The following TTC7A variants were observed in gnomAD, a reference collection of about 807,000 sequenced individuals.
The protein encoded by TTC7A is tetratricopeptide repeat domain 7A.
A neutral mutation model predicts 103.7 loss-of-function variants in TTC7A; 110 were observed. That is an observed-to-expected ratio of 1.06 (90% CI 0.91 to 1.24). TTC7A has a LOEUF of 1.24. Among genes scored for constraint, TTC7A ranks in the 50% most tolerant of loss-of-function variants. TTC7A has a pLI of 0.00. For missense variants in TTC7A, 1,340 were observed against 1,116.3 expected, an observed-to-expected ratio of 1.20 and a Z score of -2.86; for synonymous variants, 521 against 467.9, an observed-to-expected ratio of 1.11 and a Z score of -1.47.
At chr2:47,004,832 C>T (rs1312205915) in intron 8 of TTC7A, among the ~76,000 whole-genome samples, 1 of 152,024 alleles carries the variant, frequency 6.6e-6, no homozygotes, top group Non-Finnish European at 1.5e-5. Context: ...GCTTGGAGGC[C>T]CCCATGACTC....
Position 46,969,340 on chromosome 2 carries a change from A to G in TTC7A, c.518-5633A>G, listed in dbSNP as rs560670070. ...AACATGGCGAAACCCCATCTCTACT[A>G]AAAATACAAAAACAAAATTAGCCGA... On this transcript the variant is annotated intron_variant, in intron 3 of 19. Transcript: ENST00000319190. Among the ~76,000 whole-genome samples the G allele has an allele frequency of 1.4e-3, 214 of 152,104 alleles. 1 individual carries two copies. Among genetic ancestry groups the G allele is most frequent in the East Asian group, 3.9e-3 (20 of 5,078 alleles).
At chr2:47,068,877 AAAAAAAAAAAG>A (rs1216879641) in intron 19 of TTC7A, among the ~76,000 whole-genome samples, 11 of 139,962 alleles carry the variant, frequency 7.9e-5, no homozygotes, top group South Asian at 4.7e-4. Flanking sequence ...AAAAAAAAAA[AAAAAAAAAAAG>A]AAAGACTCAC....
In TTC7A at chr2:47,051,842, A is replaced by G; in HGVS notation, c.2114A>G (p.Gln705Arg). 6.2e-7 allele frequency: 1 copy of G among 1,612,146 alleles called. No homozygotes were observed. The highest frequency in any genetic ancestry group is 1.3e-5 in the African/African-American group (1 of 74,996). Residue 705 changes from glutamine (Q) to arginine (R), a missense_variant, in exon 18 of 20, where the codon CAG becomes CGG. Coordinates refer to ENST00000319190, the MANE Select transcript of TTC7A (RefSeq NM_020458.4). ...TCGGTCCTGAAGCAGGGCCCCATGCAGCTGTGGACCACGCTGGAACAGATC... is the reference window on the plus strand; with the variant it reads ...TCGGTCCTGAAGCAGGGCCCCATGCGGCTGTGGACCACGCTGGAACAGATC... ...PSSVLKQGPMQLWTTLEQIWL... is the reference protein window; with the variant it reads ...PSSVLKQGPMRLWTTLEQIWL...
At chr2:46,918,641 G>A (rs1014052887) in intron 2 of TTC7A, among the ~76,000 whole-genome samples, 3 of 152,210 alleles carry the variant, frequency 2.0e-5, no homozygotes, top group African/African-American at 4.8e-5. Context: ...AAGACTGTAT[G>A]TCAAACTGGA....
intron 3 of TTC7A, among the ~76,000 whole-genome samples, chr2:46,962,167 A>C (rs573495520): frequency 1.3e-5 from 2 of 152,172 alleles, no homozygotes; most frequent in Admixed American, 1.3e-4. Flanking sequence ...TGTCCAACAT[A>C]ATCTGTGAAG....
chr2:46,945,499 C>T (rs569334196), intron 1 of TTC7A, among the ~76,000 whole-genome samples: 55 of 152,366 alleles, frequency 3.6e-4, no homozygotes, highest in African/African-American at 1.1e-3. Flanking sequence ...CCAGCCGCCT[C>T]GGCCTCCCGA....
intron 3 of TTC7A, among the ~76,000 whole-genome samples, chr2:46,970,742 C>T (rs943914268): frequency 2.0e-5 from 3 of 152,170 alleles, no homozygotes; most frequent in Non-Finnish European, 2.9e-5. Context: ...CAGTGAGCAA[C>T]GAGGCCTGCC....
chr2:46,964,337 T>C (rs1672650257), intron 3 of TTC7A, among the ~76,000 whole-genome samples: 1 of 152,130 alleles, frequency 6.6e-6, no homozygotes, highest in South Asian at 2.1e-4. Flanking sequence ...TCATACTTCT[T>C]GGAGCCAAGA....
At chr2:47,018,231 C>G (rs1479017209) in intron 11 of TTC7A, among the ~76,000 whole-genome samples, 1 of 147,702 alleles carries the variant, frequency 6.8e-6, no homozygotes, top group African/African-American at 2.5e-5. Flanking sequence ...GAGCCAAGAT[C>G]GCACCACTGT....
intron 10 of TTC7A, 54 bp downstream of exon 10, chr2:47,006,778 G>A: frequency 7.2e-7 from 1 of 1,394,412 alleles, no homozygotes; most frequent in Non-Finnish European, 1.0e-6. Flanking sequence ...GGGCTCTGCT[G>A]AGATGGACAG....
intron 19 of TTC7A, among the ~76,000 whole-genome samples, chr2:47,066,606 G>C (rs1684201213): frequency 6.6e-6 from 1 of 152,222 alleles, no homozygotes; most frequent in African/African-American, 2.4e-5. Context: ...ACAAACCTAA[G>C]ACAAGCAGCC....
intron 18 of TTC7A, among the ~76,000 whole-genome samples, chr2:47,053,058 G>C (rs1400432942): frequency 6.6e-6 from 1 of 152,078 alleles, no homozygotes; most frequent in Non-Finnish European, 1.5e-5. Context: ...CCCCACTGTA[G>C]GTTCTGAATC....
intron 10 of TTC7A, among the ~76,000 whole-genome samples, chr2:47,008,437 A>G (rs1240093132): frequency 6.6e-6 from 1 of 152,242 alleles, no homozygotes; most frequent in Non-Finnish European, 1.5e-5. Flanking sequence ...AGAGAGATCC[A>G]GACACAGCCT....
intron 1 of TTC7A, among the ~76,000 whole-genome samples, chr2:46,948,906 A>T (rs1353411042): frequency 2.0e-5 from 3 of 152,208 alleles, no homozygotes; most frequent in Non-Finnish European, 4.4e-5. Flanking sequence ...CCAAGCAGGC[A>T]TTCCTAGGGA....
At chr2:47,065,680 G>T in intron 19 of TTC7A, 1 of 152,314 alleles carries the variant, frequency 6.6e-6, no homozygotes. Context: ...TTACGCCCAA[G>T]TGACATATTT....
chr2:46,917,450 G>A (rs567226788), intron 2 of TTC7A, among the ~76,000 whole-genome samples: 1 of 152,130 alleles, frequency 6.6e-6, no homozygotes, highest in African/African-American at 2.4e-5. Flanking sequence ...CCCTCCCTTT[G>A]TTCATTTATT....
intron 1 of TTC7A, among the ~76,000 whole-genome samples, chr2:46,943,565 C>T (rs1211612095): frequency 6.6e-6 from 1 of 152,206 alleles, no homozygotes; most frequent in East Asian, 1.9e-4. Context: ...TATGCACACA[C>T]ACAAACACGA....
intron 1 of TTC7A, among the ~76,000 whole-genome samples, chr2:46,943,258 T>C (rs997587333): frequency 4.6e-5 from 7 of 152,184 alleles, no homozygotes; most frequent in Non-Finnish European, 8.8e-5. Context: ...GCAGGAGTTA[T>C]TGTCCCCATT....
At chr2:46,988,428 A>G (rs956640455) in intron 5 of TTC7A, among the ~76,000 whole-genome samples, 3 of 152,210 alleles carry the variant, frequency 2.0e-5, no homozygotes, top group Non-Finnish European at 2.9e-5. Flanking sequence ...CCAACTAGCT[A>G]TGCTCTTCTG....
Sources: gnomAD v4.1 joint callset for allele counts (sites outside exome capture counted in the v4.1 genomes callset) on GRCh38, gnomAD v4.1.1 for gene constraint, MANE v1.5 for transcripts, NCBI Gene and HGNC (gene_info 2026-07-23, HGNC 2026-07-21) for gene names.